The following UNC5A variants were observed in gnomAD, a reference collection of about 807,000 sequenced individuals.
UNC5A encodes the protein unc-5 netrin receptor A, also known as netrin receptor UNC5A.
Under a neutral mutation model 87.4 loss-of-function variants are expected in UNC5A, and 20 were observed. The ratio of observed to expected loss-of-function variants is 0.23; its 90% confidence interval spans 0.16 to 0.33. UNC5A has a LOEUF of 0.33. Among genes scored for constraint, UNC5A ranks in the 10% least tolerant of loss-of-function variants. The probability of loss-of-function intolerance (pLI) is 1.00; values close to 1 mark genes in which losing one functional copy is unlikely to be tolerated. For synonymous variants in UNC5A, 438 were observed against 482.3 expected (o/e 0.91, Z 1.20); for missense variants, 844 against 1,133.4 (o/e 0.74, Z 3.67).
Position 176,844,187 on chromosome 5 carries a change from C to T in UNC5A, c.71-18437C>T, listed in dbSNP as rs963123267. On this transcript the variant is annotated intron_variant, in intron 1 of 14. Transcript: ENST00000329542. The surrounding 1 kb of genome is among the most constrained non-coding windows in gnomAD (Gnocchi z 4.2). The stretch of plus-strand genomic sequence containing the variant: ...AAACTCAGGTCCATGCTGATTGTAG[C>T]GTCTCAGGGGACAGATCAGAGGCCC... 7.2e-5 allele frequency among the ~76,000 whole-genome samples: 11 copies of T among 152,136 alleles called. No individual in the cohort carries two copies. The highest frequency in any genetic ancestry group is 1.4e-4 in the African/African-American group (6 of 41,418).
chr5:176,840,845 G>A lies in UNC5A; in HGVS notation c.71-21779G>A, dbSNP rs147064285. ...GAGCCCACGCTGACAGCCCTGGAAA[G>A]GGCTTCTGTGCCACCCTGCCCCGCC... On this transcript the variant is annotated intron_variant, in intron 1 of 14. Coordinates refer to ENST00000329542, the MANE Select transcript of UNC5A (RefSeq NM_133369.3). Among the ~76,000 whole-genome samples, 77 of 152,372 alleles carry A rather than the reference G, an allele frequency of 5.1e-4. 1 individual carries two copies. The East Asian group carries it at 0.011, about 22-fold the overall frequency.
Position 176,878,616 on chromosome 5 carries a change from A to G in UNC5A, c.2161A>G (p.Ser721Gly). 1 of 1,612,464 alleles carries G rather than the reference A, an allele frequency of 6.2e-7. No individual in the cohort carries two copies. Among genetic ancestry groups the G allele is most frequent in the East Asian group, 2.2e-5 (1 of 44,856 alleles). ...WQVEGDGQSF[S>G]INFNITKDTR... ...GGTGGAGGGCGACGGGCAGAGCTTCAGCATCAACTTCAACATCACCAAGGT... is the reference window on the plus strand; with the variant it reads ...GGTGGAGGGCGACGGGCAGAGCTTCGGCATCAACTTCAACATCACCAAGGT... Residue 721 changes from serine (S) to glycine (G), a missense_variant, in exon 13 of 15, where the codon AGC (serine) becomes GGC (glycine). By Grantham distance (56) the Ser-to-Gly change is moderately conservative (BLOSUM62 0). Transcript: ENST00000329542.
rs1000623765 is a variant in UNC5A, at chr5:176,812,292, T to G, written c.70+1472T>G. Among the ~76,000 whole-genome samples, 3 of 152,094 alleles carry G rather than the reference T, an allele frequency of 2.0e-5. No individual in the cohort carries two copies. In the East Asian group the frequency reaches 5.8e-4, roughly 29 times the overall value. On this transcript the variant is annotated intron_variant, in intron 1 of 14. Coordinates refer to ENST00000329542, the MANE Select transcript of UNC5A (RefSeq NM_133369.3). ...GGGATATTAGTGCCCCACACACAGG[T>G]GGGGTGTTGCCTGACACCCAGTAGG... is the stretch of plus-strand genomic sequence containing the variant.
chr5:176,840,856 C>T (rs138246201), intron 1 of UNC5A, among the ~76,000 whole-genome samples: 1 of 152,352 alleles, frequency 6.6e-6, no homozygotes, highest in Non-Finnish European at 1.5e-5. Context: ...GGCTTCTGTG[C>T]CACCCTGCCC....
intron 3 of UNC5A, 59 bp downstream of exon 3, chr5:176,868,332 G>C: frequency 1.9e-6 from 3 of 1,601,414 alleles, no homozygotes; most frequent in Admixed American, 3.6e-5. Context: ...CACCAGGAGA[G>C]GGGACAGTAG....
At chr5:176,843,426 C>T (rs1295129462) in intron 1 of UNC5A, among the ~76,000 whole-genome samples, 3 of 147,172 alleles carry the variant, frequency 2.0e-5, no homozygotes, top group Admixed American at 6.9e-5. Context: ...ACGCCAGTGA[C>T]AGAAAGCAGA....
chr5:176,829,976 G>A (rs527683687), intron 1 of UNC5A, among the ~76,000 whole-genome samples: 2 of 145,236 alleles, frequency 1.4e-5, no homozygotes, highest in South Asian at 4.5e-4. Flanking sequence ...TCTGGTTCAA[G>A]CAATTCTCCC....
chr5:176,864,305 G>A (rs1253518024), intron 2 of UNC5A, among the ~76,000 whole-genome samples: 1 of 152,202 alleles, frequency 6.6e-6, no homozygotes, highest in East Asian at 1.9e-4. Flanking sequence ...GAACCCCGGG[G>A]CAGGCAGCAG....
chr5:176,877,444 G>T, intron 9 of UNC5A, 91 bp from the exon 10 acceptor site: 1 of 1,450,354 alleles, frequency 6.9e-7, no homozygotes, highest in Non-Finnish European at 9.3e-7. Context: ...CTGGCCCCTG[G>T]GATGCTGCTG....
chr5:176,856,278 A>G (rs1757665501), intron 1 of UNC5A, among the ~76,000 whole-genome samples: 1 of 152,220 alleles, frequency 6.6e-6, no homozygotes, highest in Admixed American at 6.5e-5. Context: ...AAAGGGGCTG[A>G]GCCTACAAGA....
rs1250386459 is a variant in UNC5A, at chr5:176,868,581, C to T, written c.457C>T (p.Gln153Ter). The T allele has an allele frequency of 6.2e-7, 1 of 1,604,068 alleles. No individual in the cohort carries two copies. Among genetic ancestry groups the T allele is most frequent in the Non-Finnish European group, 8.5e-7 (1 of 1,176,096 alleles). ...TCTAGATTTGCGCAAGAACTTCGAGCAGGAGCCGCTGGCCAAGGAGGTGTC... is the reference window on the plus strand; with the variant it reads ...TCTAGATTTGCGCAAGAACTTCGAGTAGGAGCCGCTGGCCAAGGAGGTGTC... ...RIAYLRKNFE[Q>*]EPLAKEVSLE... The change falls in exon 4 of 15, where the codon CAG (glutamine) becomes TAG (stop). Residue 153 changes from glutamine (Q) to a stop codon, truncating the protein, a stop_gained. Coordinates refer to ENST00000329542, the MANE Select transcript of UNC5A (RefSeq NM_133369.3). LOFTEE classifies it high-confidence loss of function.
rs1756429282 is a variant in UNC5A, at chr5:176,810,728, C to CGCCCGCCT, written c.-15_-8dup. ...CGCCCGCGGGGCCCCGCGCCCGGCC[C>CGCCCGCCT]GCCCGCCTGCCCGCCCGCGGCCATG... On this transcript the variant is annotated 5_prime_UTR_variant, in exon 1 of 15. Transcript: ENST00000329542. This position sits in a 1 kb window ranked among gnomAD's most constrained non-coding sequence, Gnocchi z 7.3. 9.2e-7 allele frequency: 1 copy of CGCCCGCCT among 1,085,092 alleles called. No homozygotes were observed. Among genetic ancestry groups the CGCCCGCCT allele is most frequent in the Admixed American group, 5.1e-5 (1 of 19,604 alleles). The allele number at this position is 1,085,092 out of a possible 1,614,324, so 67.2% of individuals were successfully genotyped here.
Position 176,869,275 on chromosome 5 carries a change from A to G in UNC5A, c.721+311A>G, listed in dbSNP as rs1160445909. Among the ~76,000 whole-genome samples, 1 of 152,160 alleles carries G rather than the reference A, an allele frequency of 6.6e-6. No individual in the cohort carries two copies. The highest frequency in any genetic ancestry group is 1.5e-5 in the Non-Finnish European group (1 of 68,004). On this transcript the variant is annotated intron_variant, in intron 5 of 14. Transcript: ENST00000329542. The surrounding 1 kb of genome is among the most constrained non-coding windows in gnomAD (Gnocchi z 9.1). ...CTCCTGAGTCTCCAAGGGGGGAATC[A>G]GAAGCCACACAGTCCAGGCACCCCC...
intron 1 of UNC5A, among the ~76,000 whole-genome samples, 165 bp from the exon 2 acceptor site, chr5:176,862,458 GT>G (rs890086179): frequency 1.3e-5 from 2 of 152,206 alleles, no homozygotes; most frequent in African/African-American, 4.8e-5. Context: ...GGAGGCCCGG[GT>G]GGGGGATGGT....
intron 9 of UNC5A, 58 bp from the exon 10 acceptor site, chr5:176,877,477 A>G (rs1758291601): frequency 2.0e-6 from 3 of 1,536,740 alleles, no homozygotes; most frequent in Admixed American, 3.7e-5. Context: ...CCTAGCCCTC[A>G]GGACCCAGGA....
intron 14 of UNC5A, 67 bp downstream of exon 14, chr5:176,879,555 G>A: frequency 1.3e-6 from 2 of 1,550,432 alleles, no homozygotes; most frequent in Non-Finnish European, 8.7e-7. Flanking sequence ...GGCGGGGTGG[G>A]TGAGGTGGAC....
chr5:176,866,592 T>C lies in UNC5A; in HGVS notation c.293-1538T>C, dbSNP rs1425593654. On this transcript the variant is annotated intron_variant, in intron 2 of 14. Transcript: ENST00000329542. This position sits in a 1 kb window ranked among gnomAD's most constrained non-coding sequence, Gnocchi z 5.0. ...ACTTGTCCACCCAAGGGAGAAAAAGTACCCAGTTCAGAATGTTCTGGAGGT... is the reference window on the plus strand; with the variant it reads ...ACTTGTCCACCCAAGGGAGAAAAAGCACCCAGTTCAGAATGTTCTGGAGGT... Among the ~76,000 whole-genome samples the C allele has an allele frequency of 6.6e-6, 1 of 152,078 alleles. No homozygotes were observed. The highest frequency in any genetic ancestry group is 1.5e-5 in the Non-Finnish European group (1 of 68,000).
In UNC5A at chr5:176,865,655, C is replaced by T. The variant is rs1224240818; in HGVS notation, c.293-2475C>T. The T allele has an allele frequency of 4.4e-6, 2 of 456,726 alleles. No homozygotes were observed. The highest frequency in any genetic ancestry group is 8.8e-6 in the Non-Finnish European group (2 of 226,996). The allele number at this position is 456,726 out of a possible 1,614,324, so 28.3% of individuals were successfully genotyped here. ...GGCTTTCCTTACCCACGGCAGATAC[C>T]ACGGCAGTGGCGCCACGCCGCCAAA... On this transcript the variant is annotated intron_variant, in intron 2 of 14. Transcript: ENST00000329542. This position sits in a 1 kb window ranked among gnomAD's most constrained non-coding sequence, Gnocchi z 5.3.
intron 1 of UNC5A, among the ~76,000 whole-genome samples, chr5:176,823,251 A>G (rs1756772673): frequency 6.6e-6 from 1 of 151,702 alleles, no homozygotes; most frequent in Admixed American, 6.6e-5. Flanking sequence ...CAGAAACAGA[A>G]AATAGATGGG....
Sources: allele counts gnomAD v4.1 joint callset (sites outside exome capture counted in the v4.1 genomes callset), GRCh38; gene constraint gnomAD v4.1.1; non-coding constraint Gnocchi (gnomAD v3.1); transcripts MANE v1.5; gene names NCBI Gene and HGNC (gene_info 2026-07-23, HGNC 2026-07-21).